Variants in PTPRD observed in about 807,000 individuals in gnomAD.
The protein encoded by PTPRD is receptor-type tyrosine-protein phosphatase delta.
In PTPRD, 34 loss-of-function variants were observed where a neutral mutation model predicts 214.5. The ratio of observed to expected loss-of-function variants is 0.16; its 90% confidence interval spans 0.12 to 0.21. The LOEUF (loss-of-function observed/expected upper bound fraction) is 0.21, where lower values mean the gene tolerates loss of function less well. PTPRD is among the 10% of genes least tolerant of loss of function. PTPRD has a pLI of 1.00. For missense variants in PTPRD, 2,545 were observed against 2,398.7 expected (o/e 1.06, Z -1.27); for synonymous variants, 1,128 against 845.7 (o/e 1.33, Z -5.79).
At chr9:8,320,628 C>A (rs1185585766) in intron 44 of PTPRD, among the ~76,000 whole-genome samples, 1 of 143,554 alleles carries the variant, frequency 7.0e-6, no homozygotes. Flanking sequence ...GAACTTTCAA[C>A]AGATTCTCAC....
intron 3 of PTPRD, among the ~76,000 whole-genome samples, chr9:10,044,302 A>T (rs550400155): frequency 2.0e-5 from 3 of 151,846 alleles, no homozygotes; most frequent in African/African-American, 7.2e-5. Flanking sequence ...ATCAAATTTT[A>T]GAGGATATAA....
intron 26 of PTPRD, among the ~76,000 whole-genome samples, chr9:8,497,029 T>C (rs916875683): frequency 5.3e-5 from 8 of 152,156 alleles, no homozygotes; most frequent in African/African-American, 1.4e-4. Flanking sequence ...CACAAGCCCA[T>C]GACATTTCTT....
chr9:9,714,087 C>A (rs61176173), intron 7 of PTPRD, among the ~76,000 whole-genome samples: 8,027 of 90,616 alleles, frequency 0.089, 543 homozygotes, highest in East Asian at 0.42. Flanking sequence ...TGTTCACTTG[C>A]GCAAAAAAAA....
At chr9:8,490,897 G>C (rs866732805) in intron 27 of PTPRD, among the ~76,000 whole-genome samples, 2 of 152,116 alleles carry the variant, frequency 1.3e-5, no homozygotes, top group Non-Finnish European at 1.5e-5. Flanking sequence ...TGTGGGAGCT[G>C]TAACTAAATA....
chr9:10,297,838 G>T (rs541624401), intron 3 of PTPRD, among the ~76,000 whole-genome samples: 1 of 152,140 alleles, frequency 6.6e-6, no homozygotes, highest in South Asian at 2.1e-4. Flanking sequence ...GATTATGTCA[G>T]CTCTAGTCCA....
intron 10 of PTPRD, among the ~76,000 whole-genome samples, chr9:9,041,018 G>T (rs890299550): frequency 6.6e-6 from 1 of 152,048 alleles, no homozygotes; most frequent in Non-Finnish European, 1.5e-5. Flanking sequence ...TAACTACACT[G>T]AAAACTTTCA....
At chr9:9,107,297 A>C (rs1419513361) in intron 10 of PTPRD, among the ~76,000 whole-genome samples, 5 of 152,154 alleles carry the variant, frequency 3.3e-5, no homozygotes, top group African/African-American at 1.2e-4. Context: ...TATTGGTTGC[A>C]TTTCCTTCAA....
intron 14 of PTPRD, among the ~76,000 whole-genome samples, chr9:8,592,723 T>C (rs2094202900): frequency 6.6e-6 from 1 of 152,178 alleles, no homozygotes. Context: ...CACATAAGGG[T>C]TGCTGTGCTT....
At chr9:9,406,487 C>A (rs1304162304) in intron 8 of PTPRD, among the ~76,000 whole-genome samples, 3 of 151,998 alleles carry the variant, frequency 2.0e-5, no homozygotes, top group East Asian at 1.9e-4. Flanking sequence ...AAACTTCTAC[C>A]TTTTCACTGA....
chr9:9,646,090 C>A (rs1432975264), intron 7 of PTPRD, among the ~76,000 whole-genome samples: 1 of 152,106 alleles, frequency 6.6e-6, no homozygotes, highest in Non-Finnish European at 1.5e-5. Context: ...ATTATTTTTA[C>A]TTAGCAAGAT....
At chr9:10,496,223 G>A (rs2041986201) in intron 2 of PTPRD, among the ~76,000 whole-genome samples, 1 of 151,642 alleles carries the variant, frequency 6.6e-6, no homozygotes, top group African/African-American at 2.4e-5. Flanking sequence ...TCGAATTTTT[G>A]TAAGAGCACT....
intron 35 of PTPRD, among the ~76,000 whole-genome samples, chr9:8,421,339 T>C (rs1311429608): frequency 1.5e-5 from 2 of 137,244 alleles, no homozygotes; most frequent in Admixed American, 1.5e-4. Context: ...CTTTTCTTTT[T>C]CTTTTCTTTC....
chr9:10,054,047 C>A (rs867479601), intron 3 of PTPRD, among the ~76,000 whole-genome samples: 17 of 152,100 alleles, frequency 1.1e-4, no homozygotes, highest in African/African-American at 4.1e-4. Flanking sequence ...GCATGAGCCA[C>A]CACACCCTGC....
At chr9:8,477,576 C>T (rs1214849036) in intron 30 of PTPRD, among the ~76,000 whole-genome samples, 2 of 152,054 alleles carry the variant, frequency 1.3e-5, no homozygotes, top group East Asian at 1.9e-4. Flanking sequence ...GTGAAAAGTC[C>T]GTCTAGGAGT....
intron 11 of PTPRD, among the ~76,000 whole-genome samples, chr9:8,779,518 T>C (rs887372390): frequency 1.3e-5 from 2 of 152,096 alleles, no homozygotes; most frequent in Non-Finnish European, 2.9e-5. Context: ...AAAGCTAGCA[T>C]TCACCACCAA....
At chr9:9,141,232 C>T (rs1369550277) in intron 10 of PTPRD, among the ~76,000 whole-genome samples, 1 of 144,844 alleles carries the variant, frequency 6.9e-6, no homozygotes, top group African/African-American at 2.6e-5. Flanking sequence ...TCTCTCTCCT[C>T]CCCCCGTCTT....
At chr9:9,956,465 G>T (rs1587215879) in intron 4 of PTPRD, among the ~76,000 whole-genome samples, 2 of 152,036 alleles carry the variant, frequency 1.3e-5, no homozygotes, top group South Asian at 4.1e-4. Flanking sequence ...TTTTTAATAT[G>T]TGCCTGTGGG....
At chr9:8,574,537 G>A (rs2091951340) in intron 14 of PTPRD, among the ~76,000 whole-genome samples, 1 of 152,102 alleles carries the variant, frequency 6.6e-6, no homozygotes, top group East Asian at 1.9e-4. Flanking sequence ...CACCTAGGTG[G>A]TATATATAGC....
At chr9:10,576,150 T>C (rs1370701746) in intron 2 of PTPRD, among the ~76,000 whole-genome samples, 1 of 152,214 alleles carries the variant, frequency 6.6e-6, no homozygotes, top group African/African-American at 2.4e-5. Context: ...AAATGCATTT[T>C]AACATTGCAT....
Sources: gnomAD v4.1 joint callset for allele counts (sites outside exome capture counted in the v4.1 genomes callset) on GRCh38, gnomAD v4.1.1 for gene constraint, MANE v1.5 for transcripts, NCBI Gene and HGNC (gene_info 2026-07-23, HGNC 2026-07-21) for gene names.